The following REG4 variants were observed in gnomAD, a reference collection of about 807,000 sequenced individuals.
REG4 encodes regenerating islet-derived protein 4.
Under a neutral mutation model 22.3 loss-of-function variants are expected in REG4, and 16 were observed. That is an observed-to-expected ratio of 0.72 (90% confidence interval 0.49 to 1.09). The LOEUF is 1.09. Ranked by LOEUF, REG4 falls within the 50% of genes least tolerant of loss-of-function variation. The probability of loss-of-function intolerance (pLI) is 0.00; values close to 1 mark genes in which losing one functional copy is unlikely to be tolerated. For synonymous variants in REG4, 71 were observed against 69.2 expected, an observed-to-expected ratio of 1.03 and a Z score of -0.13; for missense variants, 214 against 193.9, an observed-to-expected ratio of 1.10 and a Z score of -0.61.
At chr1:119,797,431 C>T (rs1461607044) in intron 5 of REG4, among the ~76,000 whole-genome samples, 2 of 152,140 alleles carry the variant, frequency 1.3e-5, no homozygotes, top group Non-Finnish European at 2.9e-5. Flanking sequence ...CTCACTCTCT[C>T]TTTCCTTCTT....
intron 2 of REG4, among the ~76,000 whole-genome samples, chr1:119,805,694 G>T (rs1296929573): frequency 6.6e-5 from 10 of 151,854 alleles, no homozygotes; most frequent in Non-Finnish European, 1.5e-5. Context: ...GACTTTCTAT[G>T]TATCTCTCCG....
At chr1:119,802,901 T>C in intron 3 of REG4, 167 bp downstream of exon 3, 2 of 1,555,826 alleles carry the variant, frequency 1.3e-6, no homozygotes, top group Admixed American at 2.0e-5. Context: ...GCTTACAGAA[T>C]TGAATGAGTT....
Position 119,798,521 on chromosome 1 carries a change from A to G in REG4, c.385T>C (p.Cys129Arg). 5.6e-6 allele frequency: 9 copies of G among 1,614,154 alleles called. No individual in the cohort carries two copies. The highest frequency in any genetic ancestry group is 7.6e-6 in the Non-Finnish European group (9 of 1,179,952). Residue 129 changes from cysteine (C) to arginine (R), a missense_variant, in exon 5 of 6, where the codon TGT (cysteine) becomes CGT (arginine). Coordinates refer to ENST00000256585, the MANE Select transcript of REG4 (RefSeq NM_032044.4). ...CTGTTATTGGAGCTCATCTCAGCAC[A>G]GTGCTTGTTCCCACCCATGGACTTG... The part of the protein sequence containing the change: ...SGKSMGGNKH[C>R]AEMSSNNNFL...
chr1:119,799,744 C>T lies in REG4; in HGVS notation c.284G>A (p.Gly95Asp). The change falls in exon 4 of 6, where the codon GGC becomes GAC. Residue 95 changes from glycine to aspartate, a missense_variant. Transcript: ENST00000256585. ...GGTTACCTTCTGTGGGTCGTGCAGG[C>T]CAATCCATATCGGCTGGCTTCTCTG... ...GYQRSQPIWI[G>D]LHDPQKRQQW... 6.2e-7 allele frequency: 1 copy of T among 1,614,030 alleles called. No individual in the cohort carries two copies. The highest frequency in any genetic ancestry group is 1.1e-5 in the South Asian group (1 of 91,068).
intron 5 of REG4, among the ~76,000 whole-genome samples, chr1:119,796,267 T>A (rs1243814455): frequency 6.6e-6 from 1 of 152,202 alleles, no homozygotes; most frequent in Non-Finnish European, 1.5e-5. Flanking sequence ...GCTCTTGACC[T>A]CAACGTATAC....
rs34996202 is a variant in REG4, at chr1:119,798,503, T to G, written c.403A>C (p.Asn135His). The G allele has an allele frequency of 4.8e-3, 7,796 of 1,613,034 alleles. 345 individuals carry two copies. The African/African-American group carries it at 0.089, about 18-fold the overall frequency. The change falls in exon 5 of 6, where the codon AAT (asparagine) becomes CAT (histidine). Residue 135 changes from asparagine (N) to histidine (H), a missense_variant. Asn to His is a moderately conservative substitution (Grantham distance 68, BLOSUM62 1). Transcript: ENST00000256585. Reference protein sequence around the residue: ...GNKHCAEMSSNNNFLTWSSNE... With the variant: ...GNKHCAEMSSHNNFLTWSSNE... ...GTGGTGCATTATAACTTACTGTTAT[T>G]GGAGCTCATCTCAGCACAGTGCTTG...
rs765283868 is a variant in REG4 at position 119,803,013 on chromosome 1, C to G, written c.165+55G>C. 1.1e-5 allele frequency: 18 copies of G among 1,609,076 alleles called. No homozygotes were observed. In the Admixed American group the frequency reaches 2.4e-4, roughly 21 times the overall value. On this transcript the variant is annotated intron_variant, in intron 3 of 5. Coordinates refer to ENST00000256585, the MANE Select transcript of REG4 (RefSeq NM_032044.4). ...CCTGAATCAAATGAGATCTGGGGCTCTGGCTGGTCCTTTGCTCTAGAAAGG... is the reference window on the plus strand; with the variant it reads ...CCTGAATCAAATGAGATCTGGGGCTGTGGCTGGTCCTTTGCTCTAGAAAGG...
chr1:119,795,854 A>G (rs1323260539), intron 5 of REG4, among the ~76,000 whole-genome samples: 6 of 152,256 alleles, frequency 3.9e-5, no homozygotes, highest in African/African-American at 2.4e-5. Flanking sequence ...GCACAAGGCC[A>G]TGGGCCAGGC....
intron 3 of REG4, chr1:119,801,128 C>T (rs1557761159): frequency 6.6e-6 from 1 of 152,106 alleles, no homozygotes; most frequent in African/African-American, 2.4e-5. Flanking sequence ...ATTCTGTAAC[C>T]AGAAACCTAT....
chr1:119,794,548 G>T lies in REG4; in HGVS notation c.*70C>A, dbSNP rs994070974. The T allele has an allele frequency of 5.0e-6, 7 of 1,399,378 alleles. No individual in the cohort carries two copies. The African/African-American group carries it at 7.1e-5, about 14-fold the overall frequency. The allele number at this position is 1,399,378 out of a possible 1,614,324, so 86.7% of individuals were successfully genotyped here. ...GGTTTCCCCTCTGAAATAATGAGCAGATTTAGCCAGGCTAGCAGAAAGGAA... is the reference window on the plus strand; with the variant it reads ...GGTTTCCCCTCTGAAATAATGAGCATATTTAGCCAGGCTAGCAGAAAGGAA... On this transcript the variant is annotated 3_prime_UTR_variant, in exon 6 of 6. Transcript: ENST00000256585.
chr1:119,810,527 C>T (rs1239819533), intron 1 of REG4, among the ~76,000 whole-genome samples: 1 of 152,074 alleles, frequency 6.6e-6, no homozygotes, highest in Non-Finnish European at 1.5e-5. Context: ...TGTGACCTTC[C>T]CCACCCCTTA....
chr1:119,801,275 T>C (rs1187733733), intron 3 of REG4: 1 of 152,350 alleles, frequency 6.6e-6, no homozygotes, highest in Non-Finnish European at 1.5e-5. Flanking sequence ...TGCTTAGGTT[T>C]TTACTGCTCC....
At chr1:119,795,634 C>T (rs1653915210) in intron 5 of REG4, among the ~76,000 whole-genome samples, 1 of 152,184 alleles carries the variant, frequency 6.6e-6, no homozygotes, top group Admixed American at 6.5e-5. Context: ...GCAGATCTGG[C>T]CCTGTTCCCA....
At chr1:119,802,619 T>C in intron 3 of REG4, 1 of 1,311,960 alleles carries the variant, frequency 7.6e-7, no homozygotes, top group Non-Finnish European at 9.7e-7. Context: ...GCGGAAAAGT[T>C]TCCACATTTT....
intron 2 of REG4, among the ~76,000 whole-genome samples, chr1:119,807,478 C>T (rs1340114777): frequency 1.3e-5 from 2 of 152,142 alleles, no homozygotes; most frequent in Non-Finnish European, 2.9e-5. Flanking sequence ...ATCACATTCC[C>T]CAGGATATAG....
intron 3 of REG4, 94 bp from the exon 4 acceptor site, chr1:119,799,956 C>A: frequency 2.0e-6 from 3 of 1,484,000 alleles, no homozygotes; most frequent in Non-Finnish European, 2.8e-6. Flanking sequence ...GAGGGACTCA[C>A]GCAGCCCCCA....
At chr1:119,808,916 T>C in intron 1 of REG4, 53 bp from the exon 2 acceptor site, 1 of 553,856 alleles carries the variant, frequency 1.8e-6, no homozygotes, top group Non-Finnish European at 3.2e-6. Flanking sequence ...TGCCAACTAA[T>C]ACATATGGAG....
intron 5 of REG4, among the ~76,000 whole-genome samples, chr1:119,797,074 A>T (rs7516324): frequency 0.41 from 62,145 of 152,014 alleles, 13,747 homozygotes; most frequent in East Asian, 0.77. Flanking sequence ...CTCGCTTCTA[A>T]CACTTAATGC....
intron 2 of REG4, among the ~76,000 whole-genome samples, chr1:119,806,427 A>T (rs986699171): frequency 4.6e-5 from 7 of 152,160 alleles, no homozygotes; most frequent in Non-Finnish European, 7.3e-5. Context: ...GTAAGATTTG[A>T]CCCCAGACAG....
Sources: allele counts gnomAD v4.1 joint callset (sites outside exome capture counted in the v4.1 genomes callset), GRCh38; gene constraint gnomAD v4.1.1; transcripts MANE v1.5; gene names NCBI Gene and HGNC (gene_info 2026-07-23, HGNC 2026-07-21).